MFHAS1: variants seen among roughly 807,000 people sequenced by gnomAD.
MFHAS1 encodes multifunctional ROCO family signaling regulator 1, also known as malignant fibrous histiocytoma-amplified sequence 1.
MFHAS1 carries 50 observed loss-of-function variants against 70.4 expected under a neutral mutation model. The ratio of observed to expected loss-of-function variants is 0.71; its 90% CI spans 0.57 to 0.90. The LOEUF is 0.90. Among genes scored for constraint, MFHAS1 ranks in the 40% least tolerant of loss-of-function variants. The pLI, the probability that MFHAS1 is intolerant of heterozygous loss-of-function variation, is 0.00. For missense variants in MFHAS1, 1,795 were observed against 1,347.6 expected, an observed-to-expected ratio of 1.33 and a Z score of -5.20; for synonymous variants, 952 against 620.0, an observed-to-expected ratio of 1.54 and a Z score of -7.96.
intron 1 of MFHAS1, among the ~76,000 whole-genome samples, chr8:8,813,129 T>G (rs1307735855): frequency 1.3e-5 from 2 of 152,162 alleles, no homozygotes; most frequent in Non-Finnish European, 2.9e-5. Context: ...CCCATAAGAT[T>G]ACAAAAGAGC....
chr8:8,881,449 C>T, intron 1 of MFHAS1, among the ~76,000 whole-genome samples: 1 of 152,208 alleles, frequency 6.6e-6, no homozygotes, highest in East Asian at 1.9e-4. Context: ...AACCTGTACA[C>T]ACTTTCCGGG....
chr8:8,786,058 G>A lies in MFHAS1; in HGVS notation c.3126-3C>T. On this transcript the variant is annotated splice_polypyrimidine_tract_variant and splice_region_variant and intron_variant, in intron 2 of 2. Transcript: ENST00000276282. ...TGTGCTTTTCACCAACATTCTTCCT[G>A]TATGGGTGGACAACAAGAAAGCACA... The A allele has an allele frequency of 6.2e-7, 1 of 1,613,966 alleles. No homozygotes were observed. Among genetic ancestry groups the A allele is most frequent in the Non-Finnish European group, 8.5e-7 (1 of 1,179,884 alleles).
chr8:8,842,492 C>T (rs964803365), intron 1 of MFHAS1, among the ~76,000 whole-genome samples: 4 of 152,060 alleles, frequency 2.6e-5, no homozygotes, highest in East Asian at 3.9e-4. Flanking sequence ...CCCGACCCCA[C>T]GTCTGATTTT....
intron 1 of MFHAS1, among the ~76,000 whole-genome samples, chr8:8,810,460 T>G (rs1275865285): frequency 6.6e-6 from 1 of 152,218 alleles, no homozygotes; most frequent in African/African-American, 2.4e-5. Flanking sequence ...TTCTTCCACT[T>G]CTGCCACCTC....
chr8:8,846,300 AAGG>A (rs1273313965), intron 1 of MFHAS1, among the ~76,000 whole-genome samples: 2 of 100,276 alleles, frequency 2.0e-5, no homozygotes, highest in African/African-American at 8.8e-5. Context: ...GGAGGATAAG[AAGG>A]AGGAGGGGAA....
Position 8,843,270 on chromosome 8 carries a change from C to T in MFHAS1, c.2999-45779G>A, listed in dbSNP as rs139470072. Among the ~76,000 whole-genome samples, 869 of 88,620 alleles carry T rather than the reference C, an allele frequency of 9.8e-3. 16 individuals carry two copies. The highest frequency in any genetic ancestry group is 0.06 in the African/African-American group (843 of 14,070). The allele number at this position is 88,620 out of a possible 152,430, so 58.1% of individuals were successfully genotyped here. Reference sequence around the variant, plus strand: ...CCGCCTGGGCGACAGAGCGAGACTCCGTCTCAAAAAAAAAAAAAGAAAGCG... The same window carrying T: ...CCGCCTGGGCGACAGAGCGAGACTCTGTCTCAAAAAAAAAAAAAGAAAGCG... On this transcript the variant is annotated intron_variant, in intron 1 of 2. Transcript: ENST00000276282.
chr8:8,870,993 T>C lies in MFHAS1; in HGVS notation c.2998+19068A>G, dbSNP rs143781800. Reference sequence around the variant, plus strand: ...TGGAGTGCAATGGTGCAATCTCAGCTCATTGCAACCTCTGCCTCCGGGGGT... The same window carrying C: ...TGGAGTGCAATGGTGCAATCTCAGCCCATTGCAACCTCTGCCTCCGGGGGT... On this transcript the variant is annotated intron_variant, in intron 1 of 2. Coordinates refer to ENST00000276282, the MANE Select transcript of MFHAS1 (RefSeq NM_004225.3). 9.2e-4 allele frequency among the ~76,000 whole-genome samples: 140 copies of C among 152,326 alleles called. No homozygotes were observed. The East Asian group carries it at 0.016, about 18-fold the overall frequency.
chr8:8,834,586 T>A (rs770558698), intron 1 of MFHAS1, among the ~76,000 whole-genome samples: 1 of 152,212 alleles, frequency 6.6e-6, no homozygotes, highest in Non-Finnish European at 1.5e-5. Flanking sequence ...CAGGTTTCTA[T>A]TCTAGGAGCA....
intron 1 of MFHAS1, among the ~76,000 whole-genome samples, chr8:8,847,326 A>C (rs1808073648): frequency 6.6e-6 from 1 of 152,038 alleles, no homozygotes; most frequent in African/African-American, 2.4e-5. Context: ...GGATTAGAGG[A>C]ATGTGCCACC....
intron 1 of MFHAS1, among the ~76,000 whole-genome samples, chr8:8,863,592 A>G (rs1220721974): frequency 1.3e-5 from 2 of 152,150 alleles, no homozygotes; most frequent in African/African-American, 2.4e-5. Flanking sequence ...TTTCCAGACC[A>G]TATCATTAAA....
intron 1 of MFHAS1, among the ~76,000 whole-genome samples, chr8:8,865,527 G>T (rs1425101369): frequency 2.6e-5 from 4 of 152,134 alleles, no homozygotes; most frequent in Non-Finnish European, 5.9e-5. Flanking sequence ...CCCCTCCCAG[G>T]ACAGCCCTGG....
intron 1 of MFHAS1, among the ~76,000 whole-genome samples, chr8:8,869,847 C>G (rs1226309566): frequency 6.6e-6 from 1 of 152,164 alleles, no homozygotes; most frequent in African/African-American, 2.4e-5. Flanking sequence ...GCCCAGGACT[C>G]TGCCTCATTA....
chr8:8,858,656 G>T (rs332029), intron 1 of MFHAS1, among the ~76,000 whole-genome samples: 22,423 of 151,938 alleles, frequency 0.15, 2,532 homozygotes, highest in African/African-American at 0.31. Flanking sequence ...ATGGGGGGTT[G>T]GGTTCTAGGG....
chr8:8,830,559 T>C (rs1010535665), intron 1 of MFHAS1, among the ~76,000 whole-genome samples: 4 of 152,188 alleles, frequency 2.6e-5, no homozygotes, highest in Admixed American at 6.5e-5. Context: ...AAAGGAAACA[T>C]GTACCCAAGG....
At chr8:8,790,115 A>C (rs2117244412) in intron 2 of MFHAS1, among the ~76,000 whole-genome samples, 1 of 152,336 alleles carries the variant, frequency 6.6e-6, no homozygotes, top group Admixed American at 6.5e-5. Context: ...TCTATGCAAT[A>C]TCATAGTAAA....
At chr8:8,853,266 G>T (rs1470523380) in intron 1 of MFHAS1, among the ~76,000 whole-genome samples, 2 of 151,980 alleles carry the variant, frequency 1.3e-5, no homozygotes, top group South Asian at 2.1e-4. Flanking sequence ...TTGCTCGGAA[G>T]CTACTCCCTC....
At chr8:8,800,286 T>C (rs1806043830) in intron 1 of MFHAS1, among the ~76,000 whole-genome samples, 1 of 152,216 alleles carries the variant, frequency 6.6e-6, no homozygotes, top group Non-Finnish European at 1.5e-5. Flanking sequence ...CATTAGCTTG[T>C]AGCATGGCTA....
chr8:8,838,544 G>C (rs562816115), intron 1 of MFHAS1, among the ~76,000 whole-genome samples: 71 of 152,254 alleles, frequency 4.7e-4, no homozygotes, highest in African/African-American at 1.7e-3. Flanking sequence ...TGGGCACGTT[G>C]GCTCATGCCT....
intron 1 of MFHAS1, among the ~76,000 whole-genome samples, chr8:8,885,904 G>T (rs559480305): frequency 6.6e-6 from 1 of 152,272 alleles, no homozygotes; most frequent in East Asian, 1.9e-4. Flanking sequence ...TAGAGATGGG[G>T]TTTCACCAGG....
Sources: gnomAD v4.1 joint callset for allele counts (sites outside exome capture counted in the v4.1 genomes callset) on GRCh38, gnomAD v4.1.1 for gene constraint, MANE v1.5 for transcripts, NCBI Gene and HGNC (gene_info 2026-07-23, HGNC 2026-07-21) for gene names.